The following SCAPER variants were observed in gnomAD, a reference collection of about 807,000 sequenced individuals.
SCAPER encodes the protein S-phase cyclin A associated protein in the ER, also known as S phase cyclin A-associated protein in the endoplasmic reticulum.
In SCAPER, 98 loss-of-function variants were observed where a neutral mutation model predicts 182.2. That is an observed-to-expected ratio of 0.54 (90% CI 0.46 to 0.64). The LOEUF is 0.64. Ranked by LOEUF, SCAPER falls within the 30% of genes least tolerant of loss-of-function variation. The pLI, the probability that SCAPER is intolerant of heterozygous loss-of-function variation, is 0.00. For missense variants in SCAPER, 1,432 were observed against 1,690.0 expected (o/e 0.85, Z 2.68); for synonymous variants, 605 against 564.6 (o/e 1.07, Z -1.01).
chr15:76,772,237 T>C (rs542879973), intron 9 of SCAPER, among the ~76,000 whole-genome samples: 1 of 152,200 alleles, frequency 6.6e-6, no homozygotes, highest in South Asian at 2.1e-4. Context: ...AGTAGGCCAA[T>C]TTGTGATGAG....
At chr15:76,378,565 C>A (rs549186287) in intron 28 of SCAPER, among the ~76,000 whole-genome samples, 1 of 152,180 alleles carries the variant, frequency 6.6e-6, no homozygotes, top group South Asian at 2.1e-4. Context: ...TTCTTGATCA[C>A]GTCCATCTAC....
chr15:76,627,283 T>G (rs1464395016), intron 21 of SCAPER, among the ~76,000 whole-genome samples: 1 of 152,178 alleles, frequency 6.6e-6, no homozygotes. Context: ...TTTTTTTATC[T>G]TTATAAAAAA....
intron 24 of SCAPER, among the ~76,000 whole-genome samples, chr15:76,471,889 A>G (rs2050207222): frequency 6.6e-6 from 1 of 152,184 alleles, no homozygotes; most frequent in South Asian, 2.1e-4. Flanking sequence ...CCCAGAGTGT[A>G]AAAACTGGCC....
intron 22 of SCAPER, among the ~76,000 whole-genome samples, chr15:76,616,654 GA>G (rs978118625): frequency 1.6e-4 from 25 of 151,930 alleles, no homozygotes; most frequent in African/African-American, 2.9e-4. Flanking sequence ...TTTAAAAAAT[GA>G]AAAAAAGTAC....
intron 24 of SCAPER, among the ~76,000 whole-genome samples, chr15:76,475,063 A>G (rs2050513471): frequency 6.6e-6 from 1 of 152,244 alleles, no homozygotes; most frequent in Non-Finnish European, 1.5e-5. Flanking sequence ...AATTTTCAAG[A>G]GTATTTTTCT....
At chr15:76,807,514 A>AT (rs567528943) in intron 5 of SCAPER, among the ~76,000 whole-genome samples, 1 of 151,636 alleles carries the variant, frequency 6.6e-6, no homozygotes, top group Admixed American at 6.6e-5. Flanking sequence ...AACATTATTT[A>AT]TTTTTTTTAT....
chr15:76,561,716 C>CT (rs142468278), intron 23 of SCAPER, among the ~76,000 whole-genome samples: 12,486 of 146,078 alleles, frequency 0.085, 574 homozygotes, highest in Middle Eastern at 0.13. Context: ...CTCTACCTCA[C>CT]TTTTTTTTTT....
intron 8 of SCAPER, among the ~76,000 whole-genome samples, chr15:76,786,057 G>A (rs1056013547): frequency 4.6e-5 from 7 of 151,872 alleles, no homozygotes; most frequent in South Asian, 2.1e-4. Flanking sequence ...GGCTGAGTAC[G>A]GTGGCTCATG....
intron 17 of SCAPER, among the ~76,000 whole-genome samples, chr15:76,726,156 A>ATATATATAT (rs56986282): frequency 0.061 from 4,834 of 79,466 alleles, 585 homozygotes; most frequent in Middle Eastern, 0.09. Flanking sequence ...TATATATATA[A>ATATATATAT]AAAACTCTAT....
intron 21 of SCAPER, among the ~76,000 whole-genome samples, chr15:76,647,724 T>A (rs915947699): frequency 6.6e-6 from 1 of 152,222 alleles, no homozygotes. Flanking sequence ...ATCCAGGAAC[T>A]GTAAGCTGAA....
At chr15:76,833,338 G>T (rs2068666438) in intron 5 of SCAPER, among the ~76,000 whole-genome samples, 1 of 152,178 alleles carries the variant, frequency 6.6e-6, no homozygotes, top group Non-Finnish European at 1.5e-5. Context: ...AAGGGAATTT[G>T]TTACCATCAG....
intron 26 of SCAPER, among the ~76,000 whole-genome samples, chr15:76,405,109 CTT>C (rs35039615): frequency 7.1e-5 from 8 of 112,406 alleles, no homozygotes; most frequent in East Asian, 2.5e-4. Flanking sequence ...ACAACTTACA[CTT>C]TTTTTTTTTT....
intron 15 of SCAPER, among the ~76,000 whole-genome samples, chr15:76,734,662 G>A (rs2061136397): frequency 6.6e-6 from 1 of 152,048 alleles, no homozygotes; most frequent in Non-Finnish European, 1.5e-5. Context: ...TGGATCACAA[G>A]GTCAGGAGTG....
intron 26 of SCAPER, among the ~76,000 whole-genome samples, chr15:76,428,060 A>G (rs1188665911): frequency 6.6e-6 from 1 of 152,136 alleles, no homozygotes; most frequent in Non-Finnish European, 1.5e-5. Flanking sequence ...TAATCATGCC[A>G]CTGCACTCCA....
intron 20 of SCAPER, among the ~76,000 whole-genome samples, chr15:76,700,242 C>G (rs1009492172): frequency 2.0e-5 from 3 of 152,230 alleles, no homozygotes; most frequent in Non-Finnish European, 4.4e-5. Context: ...TAGAGGAACA[C>G]AGTGAGACTT....
intron 20 of SCAPER, among the ~76,000 whole-genome samples, chr15:76,691,031 A>G (rs1444813048): frequency 3.3e-5 from 5 of 152,104 alleles, no homozygotes; most frequent in Non-Finnish European, 7.4e-5. Context: ...CAACATTGCA[A>G]TGAGGTCCTA....
intron 23 of SCAPER, among the ~76,000 whole-genome samples, chr15:76,506,575 T>C (rs765522134): frequency 7.9e-5 from 12 of 152,040 alleles, no homozygotes; most frequent in South Asian, 4.2e-4. Context: ...TCTGAGAAAA[T>C]TGAAGTTTTA....
chr15:76,871,451 A>AAAAT (rs1405125190), intron 2 of SCAPER, among the ~76,000 whole-genome samples: 1 of 151,778 alleles, frequency 6.6e-6, no homozygotes, highest in Non-Finnish European at 1.5e-5. Flanking sequence ...AGATAACCAA[A>AAAAT]AAATAAATAA....
At chr15:76,459,689 T>C (rs954117897) in intron 25 of SCAPER, among the ~76,000 whole-genome samples, 1 of 152,130 alleles carries the variant, frequency 6.6e-6, no homozygotes, top group Non-Finnish European at 1.5e-5. Flanking sequence ...TTTAATATAG[T>C]CCATTTGTCT....
Sources: gnomAD v4.1 joint callset for allele counts (sites outside exome capture counted in the v4.1 genomes callset) on GRCh38, gnomAD v4.1.1 for gene constraint, MANE v1.5 for transcripts, NCBI Gene and HGNC (gene_info 2026-07-23, HGNC 2026-07-21) for gene names.